Variants in CHD8 observed in about 807,000 individuals in gnomAD.
CHD8 encodes the protein ATP-dependent chromatin remodeler CHD8.
CHD8 carries 31 observed loss-of-function variants against 279.2 expected under a neutral mutation model. That is an observed-to-expected ratio of 0.11 (90% CI 0.08 to 0.15). The LOEUF is 0.15. Among genes scored for constraint, CHD8 ranks in the 10% least tolerant of loss-of-function variants. CHD8 has a pLI of 1.00. For missense variants in CHD8, 2,146 were observed against 3,230.5 expected (o/e 0.66, Z 8.14); for synonymous variants, 1,081 against 1,139.6 (o/e 0.95, Z 1.04).
chr14:21,408,243 G>A lies in CHD8; in HGVS notation c.2730+69C>T. ...AATAAAAGTCTTCTATTCATATATAGCCCTTAAAATACCAGGTACCTTGGC... is the reference window on the plus strand; with the variant it reads ...AATAAAAGTCTTCTATTCATATATAACCCTTAAAATACCAGGTACCTTGGC... On this transcript the variant is annotated intron_variant, in intron 13 of 37. Coordinates refer to ENST00000646647, the MANE Select transcript of CHD8 (RefSeq NM_001170629.2). The surrounding 1 kb of genome is among the most constrained non-coding windows in gnomAD (Gnocchi z 4.3). 1 of 1,545,560 alleles carries A rather than the reference G, an allele frequency of 6.5e-7. No homozygotes were observed. The highest frequency in any genetic ancestry group is 8.8e-7 in the Non-Finnish European group (1 of 1,138,764).
chr14:21,390,835 A>G (rs1463557533), intron 37 of CHD8, 112 bp downstream of exon 37: 2 of 649,090 alleles, frequency 3.1e-6, no homozygotes, highest in Non-Finnish European at 5.4e-6. Context: ...AATTCTTCAC[A>G]CAAACAAACA....
At chr14:21,414,862 C>A in intron 8 of CHD8, 76 bp downstream of exon 8, 2 of 1,090,962 alleles carry the variant, frequency 1.8e-6, no homozygotes, top group Admixed American at 2.1e-5. Context: ...GACACATTCC[C>A]ACCCAGGATA....
chr14:21,405,670 A>G lies in CHD8; in HGVS notation c.3051+51T>C. 1.2e-6 allele frequency: 2 copies of G among 1,601,514 alleles called. No individual in the cohort carries two copies. Among genetic ancestry groups the G allele is most frequent in the Non-Finnish European group, 1.7e-6 (2 of 1,171,944 alleles). On this transcript the variant is annotated intron_variant, in intron 15 of 37. Coordinates refer to ENST00000646647, the MANE Select transcript of CHD8 (RefSeq NM_001170629.2). The surrounding 1 kb of genome is among the most constrained non-coding windows in gnomAD (Gnocchi z 4.2). ...TGACAACAGATGTCTGCCTTGTACAAACTTCACCTTCTTTGTCCTGAGTTA... is the reference window on the plus strand; with the variant it reads ...TGACAACAGATGTCTGCCTTGTACAGACTTCACCTTCTTTGTCCTGAGTTA...
chr14:21,443,855 C>CAA (rs369671712), intron 1 of CHD8, among the ~76,000 whole-genome samples: 1,421 of 45,896 alleles, frequency 0.031, 58 homozygotes, highest in African/African-American at 0.088. Context: ...GACTCCGTCT[C>CAA]AAAAAAAAAA....
rs760808489 is a variant in CHD8, at chr14:21,391,572, T to C, written c.6956A>G (p.Asn2319Ser). The change falls in exon 36 of 38, where the codon AAT becomes AGT. Residue 2319 changes from asparagine to serine, a missense_variant. Asn to Ser is a conservative substitution (Grantham distance 46, BLOSUM62 1). Transcript: ENST00000646647. The stretch of plus-strand genomic sequence containing the variant: ...CACCAGCAAAGTACCATCCACCTTA[T>C]TGATGACAGGGATCCGGGTCTCCAG... ...VDLETRIPVI[N>S]KVDGTLLVGE... 3.4e-5 allele frequency: 55 copies of C among 1,613,396 alleles called. No individual in the cohort carries two copies. Among genetic ancestry groups the C allele is most frequent in the Admixed American group, 1.5e-4 (9 of 59,898 alleles).
At chr14:21,437,252 C>T in intron 1 of CHD8, 2 of 1,166,712 alleles carry the variant, frequency 1.7e-6, no homozygotes, top group South Asian at 1.6e-5. Flanking sequence ...CACCAGTTCC[C>T]CCTCCTCCTG....
intron 26 of CHD8, chr14:21,398,799 A>G (rs759205787): frequency 5.9e-6 from 1 of 170,376 alleles, no homozygotes; most frequent in Non-Finnish European, 1.3e-5. Context: ...CTTTTATTTC[A>G]CTCAAAAACT....
intron 5 of CHD8, among the ~76,000 whole-genome samples, chr14:21,420,992 C>T (rs1393754373): frequency 6.6e-6 from 1 of 152,146 alleles, no homozygotes; most frequent in Non-Finnish European, 1.5e-5. Context: ...GAACTCCCGA[C>T]CTCAGGTGAT....
Position 21,401,953 on chromosome 14 carries a change from A to G in CHD8, c.4062+4T>C. On this transcript the variant is annotated splice_donor_region_variant and intron_variant, in intron 20 of 37. Coordinates refer to ENST00000646647, the MANE Select transcript of CHD8 (RefSeq NM_001170629.2). ...TTCTAGCCTCTGGCATAGACAGAAC[A>G]TGCCTTAGCAAAGGTGGAACCTTTT... The G allele has an allele frequency of 1.2e-6, 2 of 1,609,776 alleles. No homozygotes were observed. Among genetic ancestry groups the G allele is most frequent in the South Asian group, 1.1e-5 (1 of 90,278 alleles).
intron 7 of CHD8, 131 bp downstream of exon 7, chr14:21,415,443 A>G: frequency 2.3e-6 from 1 of 442,178 alleles, no homozygotes; most frequent in Non-Finnish European, 3.6e-6. Flanking sequence ...ATAGTGTGCT[A>G]CGATCATATC....
chr14:21,411,909 T>G (rs1175290620), intron 10 of CHD8, among the ~76,000 whole-genome samples: 2 of 151,690 alleles, frequency 1.3e-5, no homozygotes, highest in Admixed American at 6.6e-5. Flanking sequence ...ACTAGAAATT[T>G]AAAAACTAGC....
rs1452843510 is a variant in CHD8 at position 21,385,360 on chromosome 14, C to G, written c.*253G>C. 1 of 548,774 alleles carries G rather than the reference C, an allele frequency of 1.8e-6. No individual in the cohort carries two copies. Among genetic ancestry groups the G allele is most frequent in the Non-Finnish European group, 3.1e-6 (1 of 321,896 alleles). 34.0% of individuals were successfully genotyped at this position (548,774 alleles called of 1,614,324 possible). A position where few individuals can be genotyped will look rare whatever the true frequency, so the allele number is the denominator to read the frequency against. ...AGGTGACTAGGGAGGGGTGAGCACA[C>G]CAGCTGCTCTAGTCTCCTTTCCTTC... On this transcript the variant is annotated 3_prime_UTR_variant, in exon 38 of 38. Coordinates refer to ENST00000646647, the MANE Select transcript of CHD8 (RefSeq NM_001170629.2).
rs1887943287 is a variant in CHD8, at chr14:21,399,587, G to C, written c.4921+15C>G. 1 of 1,573,714 alleles carries C rather than the reference G, an allele frequency of 6.4e-7. No homozygotes were observed. Among genetic ancestry groups the C allele is most frequent in the African/African-American group, 1.4e-5 (1 of 74,070 alleles). ...TCTTCAGTCGGAAAGGAGTAGAATA[G>C]GAGAAGATACGTACCATGTTTAAAG... On this transcript the variant is annotated intron_variant, in intron 26 of 37. Coordinates refer to ENST00000646647, the MANE Select transcript of CHD8 (RefSeq NM_001170629.2).
At chr14:21,386,392 A>G (rs1389707636) in intron 37 of CHD8, 1 of 578,038 alleles carries the variant, frequency 1.7e-6, no homozygotes, top group African/African-American at 1.9e-5. Flanking sequence ...AGTTAAGATC[A>G]ATGATTTTGT....
In CHD8 at chr14:21,402,261, T is replaced by G. The variant is rs190627568; in HGVS notation, c.3882+75A>C. 688 of 1,554,530 alleles carry G rather than the reference T, an allele frequency of 4.4e-4. 1 individual carries two copies. The African/African-American group carries it at 8.4e-3, about 19-fold the overall frequency. On this transcript the variant is annotated intron_variant, in intron 19 of 37. Transcript: ENST00000646647. This position sits in a 1 kb window ranked among gnomAD's most constrained non-coding sequence, Gnocchi z 4.5. Reference sequence around the variant, plus strand: ...AATCCAAACAAGGTAGTCAAATCCCTGTGTACAAATAGCTTTTGTTTCCCT... The same window carrying G: ...AATCCAAACAAGGTAGTCAAATCCCGGTGTACAAATAGCTTTTGTTTCCCT...
In CHD8 at chr14:21,394,020, C is replaced by T. The variant is rs1452016998; in HGVS notation, c.5775G>A (p.Glu1925=). 3.7e-6 allele frequency: 6 copies of T among 1,613,754 alleles called. No individual in the cohort carries two copies. The highest frequency in any genetic ancestry group is 2.2e-5 in the East Asian group (1 of 44,892). ...PPGPELPKWW[E]PVRHDGELLR... is the part of the protein sequence containing the mutation. ...GAAGCTCCCCATCATGCCGAACAGG[C>T]TCCCACCATTTGGGCAATTCAGGAC... is the stretch of plus-strand genomic sequence containing the variant. Residue 1925 remains glutamate (E), a synonymous_variant, in exon 32 of 38, where the codon GAG becomes GAA. Coordinates refer to ENST00000646647, the MANE Select transcript of CHD8 (RefSeq NM_001170629.2).
rs1179126094 is a variant in CHD8 at position 21,428,003 on chromosome 14, C to T, written c.1467G>A (p.Leu489=). 2 of 1,614,082 alleles carry T rather than the reference C, an allele frequency of 1.2e-6. No homozygotes were observed. The highest frequency in any genetic ancestry group is 1.1e-5 in the South Asian group (1 of 91,088). Residue 489 remains leucine (L), a synonymous_variant, in exon 4 of 38, where the codon TTG becomes TTA. Coordinates refer to ENST00000646647, the MANE Select transcript of CHD8 (RefSeq NM_001170629.2). ...CTTCCTCCTCTGGCCGAACGCTGGG[C>T]AACTCGTCCTCATTTAAGACTCGAG... ...NIPRVLNEDE[L]PSVRPEEEGE...
Position 21,405,336 on chromosome 14 carries a change from G to A in CHD8, c.3180C>T (p.Tyr1060=). The A allele has an allele frequency of 6.2e-7, 1 of 1,608,240 alleles. No individual in the cohort carries two copies. Among genetic ancestry groups the A allele is most frequent in the Non-Finnish European group, 8.5e-7 (1 of 1,176,836 alleles). ...EVELTNIQKK[Y]YRAILEKNFS... is the part of the protein sequence containing the mutation. ...AATTCTTCTCCAAAATAGCCCGATA[G>A]TATTTCTTCTGGATATTAGTCAGCT... is the stretch of plus-strand genomic sequence containing the variant. Residue 1060 remains tyrosine (Y), a synonymous_variant, in exon 16 of 38, where the codon TAC becomes TAT. Transcript: ENST00000646647. The surrounding 1 kb of genome is among the most constrained non-coding windows in gnomAD (Gnocchi z 4.2).
At chr14:21,437,292 C>G (rs2139555753) in intron 1 of CHD8, 2 of 1,135,880 alleles carry the variant, frequency 1.8e-6, no homozygotes, top group Admixed American at 4.1e-5. Context: ...CCTGCCCGCC[C>G]CGCGCCATCA....
Sources: allele counts gnomAD v4.1 joint callset (sites outside exome capture counted in the v4.1 genomes callset), GRCh38; gene constraint gnomAD v4.1.1; non-coding constraint Gnocchi (gnomAD v3.1); transcripts MANE v1.5; gene names NCBI Gene and HGNC (gene_info 2026-07-23, HGNC 2026-07-21).